Variants in CDH3 observed in about 807,000 individuals in gnomAD.
The protein encoded by CDH3 is cadherin-3.
A neutral mutation model predicts 82.0 loss-of-function variants in CDH3; 54 were observed. That is an observed-to-expected ratio of 0.66 (90% confidence interval 0.53 to 0.83). The LOEUF is 0.83. CDH3 is among the 40% of genes least tolerant of loss of function. The probability of loss-of-function intolerance (pLI) is 0.00; values close to 1 mark genes in which losing one functional copy is unlikely to be tolerated. For missense variants in CDH3, 1,054 were observed against 1,084.6 expected, an observed-to-expected ratio of 0.97 and a Z score of 0.40; for synonymous variants, 446 against 437.9, an observed-to-expected ratio of 1.02 and a Z score of -0.23.
At position 68,682,403 on chromosome 16, in the gene CDH3, C is replaced by A. The variant is rs1487604539; in HGVS notation, c.1098C>A (p.Tyr366Ter). 6.2e-7 allele frequency: 1 copy of A among 1,614,128 alleles called. No individual in the cohort carries two copies. The highest frequency in any genetic ancestry group is 8.5e-7 in the Non-Finnish European group (1 of 1,180,044). Residue 366 changes from tyrosine (Y) to a stop codon, truncating the protein, a stop_gained, in exon 9 of 16, where the codon TAC becomes TAA. Transcript: ENST00000264012. LOFTEE classifies it high-confidence loss of function. ...ACTCACCAGCGTGGCGTGCCACCTACCTTATCATGGGCGGTGACGACGGGG... is the reference window on the plus strand; with the variant it reads ...ACTCACCAGCGTGGCGTGCCACCTAACTTATCATGGGCGGTGACGACGGGG... Reference protein sequence around the residue: ...APNSPAWRATYLIMGGDDGDH... With the variant: ...APNSPAWRAT
At chr16:68,716,685 G>A (rs1197929167) in intron 1 of CDH3, among the ~76,000 whole-genome samples, 1 of 151,432 alleles carries the variant, frequency 6.6e-6, no homozygotes, top group African/African-American at 2.4e-5. Context: ...GGGAGGGAAG[G>A]AGGGTAGCAC....
rs1960011361 is a variant in CDH3 at position 68,645,328 on chromosome 16, CG to C, written c.-50del. The C allele has an allele frequency of 6.3e-7, 1 of 1,588,290 alleles. No individual in the cohort carries two copies. Among genetic ancestry groups the C allele is most frequent in the African/African-American group, 1.3e-5 (1 of 74,412 alleles). ...GGTGCTCAAAGGGGCAAGAGCTGAG[CG>C]GAACACCGGCCCGCCGTCGCGGCAG... On this transcript the variant is annotated 5_prime_UTR_variant, in exon 1 of 16. Transcript: ENST00000264012.
Position 68,678,566 on chromosome 16 carries a change from C to G in CDH3, c.456C>G (p.Ser152Arg), listed in dbSNP as rs769411955. The change falls in exon 5 of 16, where the codon AGC becomes AGG. Residue 152 changes from serine to arginine, a missense_variant. Physicochemically the swap from Ser to Arg is moderately radical, Grantham distance 110 (BLOSUM62 -1). Transcript: ENST00000264012. ...FYSITGPGAD[S>R]PPEGVFAVEK... is the part of the protein sequence containing the mutation. ...GCATCACGGGGCCGGGGGCAGACAG[C>G]CCCCCTGAGGGTGTCTTCGCTGTAG... is the stretch of plus-strand genomic sequence containing the variant. 4 of 1,614,082 alleles carry G rather than the reference C, an allele frequency of 2.5e-6. No individual in the cohort carries two copies. In the African/African-American group the frequency reaches 5.3e-5, roughly 22 times the overall value.
At position 68,725,629 on chromosome 16, in the gene CDH3, G is replaced by A. The variant is rs200103477; in HGVS notation, c.*46-1524G>A. Among the ~76,000 whole-genome samples, 898 of 151,964 alleles carry A rather than the reference G, an allele frequency of 5.9e-3. 5 individuals carry two copies. Among genetic ancestry groups the A allele is most frequent in the Non-Finnish European group, 9.7e-3 (659 of 67,944 alleles). On this transcript the variant is annotated intron_variant, in intron 2 of 2. Transcript: ENST00000569080. ...ATTACAGGCGTGAGCCACCGCGCCC[G>A]GCCCTTCACCTAATTCTTGAAATCA...
intron 1 of CDH3, among the ~76,000 whole-genome samples, chr16:68,710,284 G>T (rs1331703654): frequency 1.3e-5 from 2 of 152,238 alleles, no homozygotes; most frequent in Non-Finnish European, 2.9e-5. Flanking sequence ...CACTTGCCCT[G>T]TTAGGACTAA....
chr16:68,673,557 C>G (rs1228117507), intron 2 of CDH3, among the ~76,000 whole-genome samples: 1 of 151,666 alleles, frequency 6.6e-6, no homozygotes, highest in African/African-American at 2.4e-5. Flanking sequence ...CTCATGGGCT[C>G]AAATGATCCT....
At chr16:68,711,798 G>A (rs1031539261) in intron 1 of CDH3, among the ~76,000 whole-genome samples, 5 of 152,178 alleles carry the variant, frequency 3.3e-5, no homozygotes, top group Admixed American at 6.6e-5. Flanking sequence ...ACAGAGAGGA[G>A]CAGAGGAACC....
intron 2 of CDH3, among the ~76,000 whole-genome samples, chr16:68,675,275 G>C (rs1173508517): frequency 6.6e-6 from 1 of 152,164 alleles, no homozygotes; most frequent in Non-Finnish European, 1.5e-5. Flanking sequence ...CATACCTATG[G>C]ACAGGCGTGG....
At chr16:68,648,279 C>T (rs1960136535) in intron 2 of CDH3, among the ~76,000 whole-genome samples, 1 of 152,138 alleles carries the variant, frequency 6.6e-6, no homozygotes, top group South Asian at 2.1e-4. Context: ...TGCCCAGGGC[C>T]TGGTACCTTA....
At chr16:68,710,221 TG>T (rs996806234) in intron 1 of CDH3, among the ~76,000 whole-genome samples, 2 of 152,194 alleles carry the variant, frequency 1.3e-5, no homozygotes, top group African/African-American at 4.8e-5. Flanking sequence ...TCCTGTCATG[TG>T]GACCCTCTTC....
At position 68,699,038 on chromosome 16, in the gene CDH3, G is replaced by T. The variant is rs1961834470; in HGVS notation, c.*638G>T. The T allele has an allele frequency of 6.6e-6, 1 of 152,442 alleles. No homozygotes were observed. The highest frequency in any genetic ancestry group is 1.5e-5 in the Non-Finnish European group (1 of 68,128). 9.4% of individuals were successfully genotyped at this position (152,442 alleles called of 1,614,324 possible). A position where few individuals can be genotyped will look rare whatever the true frequency, so the allele number is the denominator to read the frequency against. ...TTTTTTATTAAAGAAACTTTTCCCA[G>T]AGGTGCCTGGGGAGTGAACTGTTTT... is the stretch of plus-strand genomic sequence containing the variant. On this transcript the variant is annotated 3_prime_UTR_variant, in exon 16 of 16. Transcript: ENST00000264012.
Position 68,681,049 on chromosome 16 carries a change from G to A in CDH3, c.949G>A (p.Glu317Lys). The change falls in exon 8 of 16, where the codon GAG (glutamate) becomes AAG (lysine). Residue 317 changes from glutamate (E) to lysine (K), a missense_variant. Transcript: ENST00000264012. ...CACCACCACGGCAGTGGCAGTAGTG[G>A]AGATCCTTGATGCCAATGACAATGC... ...GSTTTAVAVV[E>K]ILDANDNAPM... 6.2e-7 allele frequency: 1 copy of A among 1,614,038 alleles called. No individual in the cohort carries two copies. Among genetic ancestry groups the A allele is most frequent in the South Asian group, 1.1e-5 (1 of 91,082 alleles).
At position 68,673,257 on chromosome 16, in the gene CDH3, TTG is replaced by T. The variant is rs972532492; in HGVS notation, c.161-3118_161-3117del. Among the ~76,000 whole-genome samples, 13 of 152,310 alleles carry T rather than the reference TTG, an allele frequency of 8.5e-5. No individual in the cohort carries two copies. The East Asian group carries it at 1.3e-3, about 16-fold the overall frequency. On this transcript the variant is annotated intron_variant, in intron 2 of 15. Transcript: ENST00000264012. ...TTGTCTTCCCATATCAGACTTTTGT[TTG>T]TGTGTGTGTTAAAATAGGCATAACA...
At position 68,682,371 on chromosome 16, in the gene CDH3, G is replaced by A. The variant is rs200872707; in HGVS notation, c.1066G>A (p.Ala356Thr). The A allele has an allele frequency of 8.1e-6, 13 of 1,613,876 alleles. No individual in the cohort carries two copies. The highest frequency in any genetic ancestry group is 6.7e-5 in the East Asian group (3 of 44,894). ...VQRLTVTDLD[A>T]PNSPAWRATY... Reference sequence around the variant, plus strand: ...GAGGCTGACGGTCACTGATCTGGACGCCCCCAACTCACCAGCGTGGCGTGC... The same window carrying A: ...GAGGCTGACGGTCACTGATCTGGACACCCCCAACTCACCAGCGTGGCGTGC... Residue 356 changes from alanine to threonine, a missense_variant, in exon 9 of 16, where the codon GCC becomes ACC. Ala to Thr is a moderately conservative substitution (Grantham distance 58). Coordinates refer to ENST00000264012, the MANE Select transcript of CDH3 (RefSeq NM_001793.6).
intron 9 of CDH3, 89 bp from the exon 10 acceptor site, chr16:68,684,494 T>C (rs753747519): frequency 1.5e-5 from 22 of 1,471,074 alleles, no homozygotes; most frequent in Non-Finnish European, 2.0e-5. Context: ...CCCCTCAGTA[T>C]TGGTGTTTTC....
intron 11 of CDH3, among the ~76,000 whole-genome samples, chr16:68,686,245 G>A (rs1015685566): frequency 7.2e-6 from 1 of 138,546 alleles, no homozygotes. Flanking sequence ...AGCACGCCTC[G>A]GGGCGAGCGG....
chr16:68,652,728 T>C (rs1960283455), intron 2 of CDH3, among the ~76,000 whole-genome samples: 1 of 152,182 alleles, frequency 6.6e-6, no homozygotes, highest in Non-Finnish European at 1.5e-5. Flanking sequence ...AATTTCAACC[T>C]TCTCTCAAGA....
chr16:68,653,691 C>CTTT (rs1249416453), intron 2 of CDH3, among the ~76,000 whole-genome samples: 2 of 136,962 alleles, frequency 1.5e-5, no homozygotes, highest in African/African-American at 5.4e-5. Flanking sequence ...TCTTTTCTTT[C>CTTT]TTTTTTTTTT....
At chr16:68,687,766 G>A (rs769905319) in intron 12 of CDH3, 30 bp downstream of exon 12, 2 of 1,546,666 alleles carry the variant, frequency 1.3e-6, no homozygotes, top group South Asian at 2.2e-5. Flanking sequence ...TAGCGGGTGG[G>A]GTGCCAGCCC....
Sources: allele counts gnomAD v4.1 joint callset (sites outside exome capture counted in the v4.1 genomes callset), GRCh38; gene constraint gnomAD v4.1.1; transcripts MANE v1.5; gene names NCBI Gene and HGNC (gene_info 2026-07-23, HGNC 2026-07-21).